Variants in PCDHA1 observed in about 807,000 individuals in gnomAD.
PCDHA1 encodes protocadherin alpha-1.
PCDHA1 carries 42 observed loss-of-function variants against 61.3 expected under a neutral mutation model. The ratio of observed to expected loss-of-function variants is 0.69; its 90% confidence interval spans 0.54 to 0.89. The LOEUF (loss-of-function observed/expected upper bound fraction) is 0.89, where lower values mean the gene tolerates loss of function less well. Ranked by LOEUF, PCDHA1 falls within the 40% of genes least tolerant of loss-of-function variation. The pLI, the probability that PCDHA1 is intolerant of heterozygous loss-of-function variation, is 0.00. For missense variants in PCDHA1, 1,256 were observed against 1,235.3 expected (o/e 1.02, Z -0.25); for synonymous variants, 610 against 553.8 (o/e 1.10, Z -1.43).
chr5:140,888,753 A>G (rs1237459726), intron 1 of PCDHA1, among the ~76,000 whole-genome samples: 1 of 149,022 alleles, frequency 6.7e-6, no homozygotes, highest in Non-Finnish European at 1.5e-5. Flanking sequence ...TATTCTACCC[A>G]CTTTTTTTTT....
At chr5:140,890,830 A>G (rs903756043) in intron 1 of PCDHA1, among the ~76,000 whole-genome samples, 1 of 152,182 alleles carries the variant, frequency 6.6e-6, no homozygotes, top group Non-Finnish European at 1.5e-5. Context: ...GTACTTACAT[A>G]TTTACCAGTT....
At chr5:140,888,286 C>A (rs1277980750) in intron 1 of PCDHA1, among the ~76,000 whole-genome samples, 7 of 152,080 alleles carry the variant, frequency 4.6e-5, no homozygotes, top group African/African-American at 1.7e-4. Context: ...TCCCCTCTAC[C>A]CCCTACCCAG....
intron 1 of PCDHA1, chr5:140,876,818 A>G: frequency 6.2e-7 from 1 of 1,614,158 alleles, no homozygotes; most frequent in Non-Finnish European, 8.5e-7. Flanking sequence ...GCCGACGTGA[A>G]CGACAATGCG....
chr5:140,842,355 A>G lies in PCDHA1; in HGVS notation c.2394+53671A>G, dbSNP rs2150334539. ...TTAGTGAGAATTTTGGATAAAAATG[A>G]TAACGTCCCTGAGATAGCACTGACT... On this transcript the variant is annotated intron_variant, in intron 1 of 3. Transcript: ENST00000504120. The G allele has an allele frequency of 9.3e-6, 15 of 1,607,494 alleles. 1 individual carries two copies. In the East Asian group the frequency reaches 3.1e-4, roughly 33 times the overall value.
At chr5:140,935,981 C>T (rs1206046231) in intron 1 of PCDHA1, among the ~76,000 whole-genome samples, 2 of 151,096 alleles carry the variant, frequency 1.3e-5, no homozygotes, top group Non-Finnish European at 2.9e-5. Context: ...CAATCTCTGC[C>T]TCCCGGGTTC....
intron 1 of PCDHA1, chr5:140,829,711 G>T (rs2150173108): frequency 1.9e-6 from 3 of 1,613,460 alleles, no homozygotes; most frequent in Non-Finnish European, 1.7e-6. Flanking sequence ...CGCGCGACGC[G>T]GGCGTGCCGC....
chr5:140,835,688 G>A (rs2150241964), intron 1 of PCDHA1: 10 of 1,613,804 alleles, frequency 6.2e-6, no homozygotes, highest in Admixed American at 5.0e-5. Flanking sequence ...CGCCTTCTCT[G>A]TGGGCCACTG....
At chr5:140,865,173 T>C (rs1230117656) in intron 1 of PCDHA1, 1 of 152,234 alleles carries the variant, frequency 6.6e-6, no homozygotes, top group African/African-American at 2.4e-5. Context: ...TGATGCAAAA[T>C]ATTTTTTGCC....
intron 3 of PCDHA1, among the ~76,000 whole-genome samples, chr5:141,001,681 A>G (rs2153971146): frequency 6.6e-6 from 1 of 151,672 alleles, no homozygotes; most frequent in East Asian, 2.0e-4. Context: ...GGTCCAACAA[A>G]CCCCACAGAT....
Position 141,006,215 on chromosome 5 carries a change from T to A in PCDHA1, c.2543-3412T>A, listed in dbSNP as rs530559800. Among the ~76,000 whole-genome samples, 194 of 151,754 alleles carry A rather than the reference T, an allele frequency of 1.3e-3. 2 individuals carry two copies. The highest frequency in any genetic ancestry group is 4.2e-3 in the African/African-American group (174 of 41,396). ...ATGTATGTTATGCCTCATTTTTTTT[T>A]AAATTTTTTATTTTTAGATGGAGTC... On this transcript the variant is annotated intron_variant, in intron 3 of 3. Coordinates refer to ENST00000504120, the MANE Select transcript of PCDHA1 (RefSeq NM_018900.4).
chr5:140,923,959 C>A (rs2153570659), intron 1 of PCDHA1, among the ~76,000 whole-genome samples: 1 of 152,348 alleles, frequency 6.6e-6, no homozygotes, highest in Non-Finnish European at 1.5e-5. Context: ...ACGCCCTAAT[C>A]TATACCCACA....
At chr5:140,857,993 C>G (rs782150278) in intron 1 of PCDHA1, 1 of 1,597,064 alleles carries the variant, frequency 6.3e-7, no homozygotes. Flanking sequence ...CCTACTGGTG[C>G]TGGTGAAGGA....
intron 1 of PCDHA1, among the ~76,000 whole-genome samples, chr5:140,933,742 A>G (rs1242551337): frequency 6.6e-6 from 1 of 152,068 alleles, no homozygotes; most frequent in Non-Finnish European, 1.5e-5. Context: ...AATATTTGGT[A>G]GAATTCACTA....
intron 1 of PCDHA1, among the ~76,000 whole-genome samples, chr5:140,914,956 T>C (rs2076915145): frequency 6.6e-6 from 1 of 150,718 alleles, no homozygotes; most frequent in African/African-American, 2.4e-5. Flanking sequence ...TTTTTTTTTT[T>C]TTTTTTCTGA....
intron 1 of PCDHA1, chr5:140,850,690 G>C (rs2150494322): frequency 3.8e-6 from 6 of 1,598,286 alleles, no homozygotes; most frequent in Admixed American, 1.7e-5. Flanking sequence ...GAGGGCGAGT[G>C]CGCGCCTGGC....
intron 1 of PCDHA1, among the ~76,000 whole-genome samples, chr5:140,910,284 A>G (rs2153514340): frequency 6.6e-6 from 1 of 152,292 alleles, no homozygotes; most frequent in East Asian, 1.9e-4. Context: ...GAACACCATG[A>G]TTAATCAACA....
chr5:140,964,969 G>T (rs2095866914), intron 1 of PCDHA1, among the ~76,000 whole-genome samples: 1 of 152,190 alleles, frequency 6.6e-6, no homozygotes, highest in South Asian at 2.1e-4. Flanking sequence ...TGGAACGAAG[G>T]GATGTGCTAG....
intron 2 of PCDHA1, among the ~76,000 whole-genome samples, chr5:140,980,822 T>A (rs1433488208): frequency 6.6e-6 from 1 of 152,204 alleles, no homozygotes; most frequent in Non-Finnish European, 1.5e-5. Flanking sequence ...ACATATTAAA[T>A]GAGTTGTGAA....
intron 1 of PCDHA1, chr5:140,871,730 T>C: frequency 2.8e-6 from 2 of 714,038 alleles, no homozygotes; most frequent in Middle Eastern, 4.1e-4. Flanking sequence ...TAATATTTGG[T>C]TAGCAAATCC....
Sources: allele counts gnomAD v4.1 joint callset (sites outside exome capture counted in the v4.1 genomes callset), GRCh38; gene constraint gnomAD v4.1.1; transcripts MANE v1.5; gene names NCBI Gene and HGNC (gene_info 2026-07-23, HGNC 2026-07-21).